Variants in GALNT15 observed in about 807,000 individuals in gnomAD.
GALNT15 encodes the protein polypeptide N-acetylgalactosaminyltransferase 15.
Under a neutral mutation model 66.8 loss-of-function variants are expected in GALNT15, and 67 were observed. The observed-to-expected ratio is 1.00, with a 90% CI of 0.82 to 1.23. The LOEUF (loss-of-function observed/expected upper bound fraction) is 1.23. GALNT15 is among the 50% of genes most tolerant of loss of function. The pLI, the probability that GALNT15 is intolerant of heterozygous loss-of-function variation, is 0.00. For synonymous variants in GALNT15, 313 were observed against 311.5 expected (o/e 1.00, Z -0.05); for missense variants, 827 against 804.3 (o/e 1.03, Z -0.34).
chr3:16,240,549 A>G, the GALNT15 span, among the ~76,000 whole-genome samples: 1 of 152,264 alleles, frequency 6.6e-6, no homozygotes, highest in Non-Finnish European at 1.5e-5. Flanking sequence ...CAAGTGGGAC[A>G]CAAAATAGAC....
Position 16,211,040 on chromosome 3 carries a change from C to A in GALNT15, c.1080-84C>A. The A allele has an allele frequency of 2.1e-6, 2 of 946,382 alleles. No individual in the cohort carries two copies. Among genetic ancestry groups the A allele is most frequent in the Non-Finnish European group, 3.4e-6 (2 of 587,802 alleles). 58.6% of individuals were successfully genotyped at this position (946,382 alleles called of 1,614,324 possible). On this transcript the variant is annotated intron_variant, in intron 4 of 9. Coordinates refer to ENST00000339732, the MANE Select transcript of GALNT15 (RefSeq NM_054110.5). This position sits in a 1 kb window ranked among gnomAD's most constrained non-coding sequence, Gnocchi z 4.3. ...CCTGTTCTCTCAGCCACTGGAGCTC[C>A]CACCTGGGAAGCCCCAGCCCCCAGC...
the GALNT15 span, among the ~76,000 whole-genome samples, chr3:16,240,854 T>C: frequency 1.3e-5 from 2 of 152,078 alleles, no homozygotes; most frequent in African/African-American, 4.8e-5. Context: ...TGACTACAAG[T>C]TCCTCCCTGA....
rs569655475 is a variant in GALNT15, at chr3:16,187,930, A to G, written c.540-7830A>G. Among the ~76,000 whole-genome samples the G allele has an allele frequency of 6.6e-6, 1 of 152,330 alleles. No individual in the cohort carries two copies. The highest frequency in any genetic ancestry group is 6.5e-5 in the Admixed American group (1 of 15,300). The stretch of plus-strand genomic sequence containing the variant: ...CATTCTCCCTCAGTGAAAACAAATC[A>G]TAGACTCAAAGGTGGAAGGATCTTT... On this transcript the variant is annotated intron_variant, in intron 1 of 9. Coordinates refer to ENST00000339732, the MANE Select transcript of GALNT15 (RefSeq NM_054110.5). The surrounding 1 kb of genome is among the most constrained non-coding windows in gnomAD (Gnocchi z 5.1).
intron 8 of GALNT15, among the ~76,000 whole-genome samples, chr3:16,221,994 C>T (rs1258675838): frequency 1.3e-5 from 2 of 152,150 alleles, no homozygotes; most frequent in African/African-American, 4.8e-5. Flanking sequence ...GTCACATACC[C>T]ATGAAGTTGA....
At position 16,219,641 on chromosome 3, in the gene GALNT15, G is replaced by A; in HGVS notation, c.1524+107G>A. The A allele has an allele frequency of 1.4e-6, 2 of 1,450,042 alleles. No homozygotes were observed. 89.8% of individuals were successfully genotyped at this position (1,450,042 alleles called of 1,614,324 possible). On this transcript the variant is annotated intron_variant, in intron 7 of 9. Transcript: ENST00000339732. This position sits in a 1 kb window ranked among gnomAD's most constrained non-coding sequence, Gnocchi z 4.3. ...CTGGTCAACCATTCACGGTTTAGCAGGGCCTCAGAGGCCTTGGGTCCATCC... is the reference window on the plus strand; with the variant it reads ...CTGGTCAACCATTCACGGTTTAGCAAGGCCTCAGAGGCCTTGGGTCCATCC...
Position 16,193,868 on chromosome 3 carries a change from G to A in GALNT15, c.540-1892G>A, listed in dbSNP as rs557015022. On this transcript the variant is annotated intron_variant, in intron 1 of 9. Coordinates refer to ENST00000339732, the MANE Select transcript of GALNT15 (RefSeq NM_054110.5). This position sits in a 1 kb window ranked among gnomAD's most constrained non-coding sequence, Gnocchi z 4.7. ...AGAAAGAGGCTCTTCAGAAACACAC[G>A]TTAAGAAAGTGCCTTTTGTAAGCAA... Among the ~76,000 whole-genome samples, 5 of 152,288 alleles carry A rather than the reference G, an allele frequency of 3.3e-5. 2 individuals carry two copies. Among genetic ancestry groups the A allele is most frequent in the African/African-American group, 1.2e-4 (5 of 41,560 alleles).
At chr3:16,198,185 A>G (rs1204145998) in intron 2 of GALNT15, among the ~76,000 whole-genome samples, 1 of 142,220 alleles carries the variant, frequency 7.0e-6, no homozygotes, top group Non-Finnish European at 1.6e-5. Context: ...CCACAATGCC[A>G]TTGGACACCC....
Position 16,202,023 on chromosome 3 carries a change from G to A in GALNT15, c.911+1200G>A, listed in dbSNP as rs182800262. 2.8e-4 allele frequency among the ~76,000 whole-genome samples: 42 copies of A among 152,242 alleles called. No homozygotes were observed. In the East Asian group the frequency reaches 7.3e-3, roughly 27 times the overall value. On this transcript the variant is annotated intron_variant, in intron 3 of 9. Transcript: ENST00000339732. Reference sequence around the variant, plus strand: ...CTTATGACTTCTACCCATGATGAATGTTTATTATCTCACCTGAAGTTAGGG... The same window carrying A: ...CTTATGACTTCTACCCATGATGAATATTTATTATCTCACCTGAAGTTAGGG...
intron 1 of GALNT15, among the ~76,000 whole-genome samples, chr3:16,192,715 C>A (rs1299132724): frequency 1.3e-5 from 2 of 152,184 alleles, no homozygotes; most frequent in Non-Finnish European, 2.9e-5. Flanking sequence ...AAAGACTATG[C>A]ATGTGCTGGG....
chr3:16,226,423 TCA>T (rs1177790019), intron 9 of GALNT15, among the ~76,000 whole-genome samples: 1 of 152,144 alleles, frequency 6.6e-6, no homozygotes, highest in Non-Finnish European at 1.5e-5. Flanking sequence ...TTTAATTGAC[TCA>T]CAGTTCTGCA....
downstream of GALNT15, chr3:16,231,691 T>C: frequency 1.1e-6 from 1 of 871,846 alleles, no homozygotes; most frequent in Non-Finnish European, 1.8e-6. The surrounding 1 kb of genome is among the most constrained non-coding windows in gnomAD (Gnocchi z 4.1). Context: ...TCCCAAACTG[T>C]TCAGCTAGCT....
intron 9 of GALNT15, among the ~76,000 whole-genome samples, chr3:16,223,538 C>T (rs896683994): frequency 2.0e-5 from 3 of 152,098 alleles, no homozygotes; most frequent in Non-Finnish European, 4.4e-5. Flanking sequence ...GAATCCTGTG[C>T]ATTGGTACTC....
chr3:16,214,534 T>A (rs1242008528), intron 6 of GALNT15, among the ~76,000 whole-genome samples: 3 of 152,166 alleles, frequency 2.0e-5, no homozygotes, highest in African/African-American at 7.2e-5. Flanking sequence ...ATACCATCGT[T>A]ATTGTCATGG....
chr3:16,234,459 G>C (rs1227862540), downstream of GALNT15, among the ~76,000 whole-genome samples: 1 of 152,118 alleles, frequency 6.6e-6, no homozygotes, highest in Non-Finnish European at 1.5e-5. Flanking sequence ...AAATACCTCA[G>C]CTCCCTCACC....
chr3:16,209,966 C>T lies in GALNT15; in HGVS notation c.1080-1158C>T, dbSNP rs1416412191. Among the ~76,000 whole-genome samples, 2 of 152,168 alleles carry T rather than the reference C, an allele frequency of 1.3e-5. No homozygotes were observed. Among genetic ancestry groups the T allele is most frequent in the Non-Finnish European group, 2.9e-5 (2 of 68,034 alleles). On this transcript the variant is annotated intron_variant, in intron 4 of 9. Coordinates refer to ENST00000339732, the MANE Select transcript of GALNT15 (RefSeq NM_054110.5). This position sits in a 1 kb window ranked among gnomAD's most constrained non-coding sequence, Gnocchi z 4.1. ...ATCAAAGAAATATTAGTATATTTGA[C>T]TAAAGAGTGCCGGGCAGACCCCACT...
Position 16,219,803 on chromosome 3 carries a change from G to A in GALNT15, c.1525-107G>A, listed in dbSNP as rs2063921821. On this transcript the variant is annotated intron_variant, in intron 7 of 9. Coordinates refer to ENST00000339732, the MANE Select transcript of GALNT15 (RefSeq NM_054110.5). This position sits in a 1 kb window ranked among gnomAD's most constrained non-coding sequence, Gnocchi z 4.3. ...CACCTGTTGTTGTGGCCTGAACAAT[G>A]TGCCTTGGGCTGCACTCCAGAGAAT... The A allele has an allele frequency of 2.0e-6, 2 of 985,848 alleles. No individual in the cohort carries two copies. Among genetic ancestry groups the A allele is most frequent in the African/African-American group, 1.6e-5 (1 of 63,198 alleles). The allele number at this position is 985,848 out of a possible 1,614,324, so 61.1% of individuals were successfully genotyped here. A position where few individuals can be genotyped will look rare whatever the true frequency, so the allele number is the denominator to read the frequency against.
In GALNT15 at chr3:16,186,877, CA is replaced by C. The variant is rs2063521843; in HGVS notation, c.540-8882del. On this transcript the variant is annotated intron_variant, in intron 1 of 9. Coordinates refer to ENST00000339732, the MANE Select transcript of GALNT15 (RefSeq NM_054110.5). This position sits in a 1 kb window ranked among gnomAD's most constrained non-coding sequence, Gnocchi z 5.1. Reference sequence around the variant, plus strand: ...TCAAATTAGACAGTGGTGATGGCTGCACACCTTTATACTTGAATCCATGGAA... The same window carrying C: ...TCAAATTAGACAGTGGTGATGGCTGCCACCTTTATACTTGAATCCATGGAA... Among the ~76,000 whole-genome samples, 1 of 152,068 alleles carries C rather than the reference CA, an allele frequency of 6.6e-6. No individual in the cohort carries two copies. Among genetic ancestry groups the C allele is most frequent in the Non-Finnish European group, 1.5e-5 (1 of 68,008 alleles).
rs140245914 is a variant in GALNT15, at chr3:16,175,528, A to G, written c.377A>G (p.Gln126Arg). 4.6e-5 allele frequency: 75 copies of G among 1,613,954 alleles called. No homozygotes were observed. The highest frequency in any genetic ancestry group is 1.6e-4 in the Middle Eastern group (1 of 6,084). ...CGCCTCATCAAGCAGCCAAGGAGGC[A>G]GGATAAGGAAGCCCCAAAGAGGGAC... ...SYRLIKQPRR[Q>R]DKEAPKRDWG... Residue 126 changes from glutamine (Q) to arginine (R), a missense_variant, in exon 1 of 10, where the codon CAG becomes CGG. Transcript: ENST00000339732. This position sits in a 1 kb window ranked among gnomAD's most constrained non-coding sequence, Gnocchi z 5.6.
rs1170802268 is a variant in GALNT15 at position 16,182,522 on chromosome 3, T to G, written c.539+6832T>G. On this transcript the variant is annotated intron_variant, in intron 1 of 9. Coordinates refer to ENST00000339732, the MANE Select transcript of GALNT15 (RefSeq NM_054110.5). This position sits in a 1 kb window ranked among gnomAD's most constrained non-coding sequence, Gnocchi z 6.1. ...GAAGTAAGTAAGGAACAGGGAACTG[T>G]CCAGACAAGGTTGAAGGAGGTGGAC... is the stretch of plus-strand genomic sequence containing the variant. 3.3e-5 allele frequency among the ~76,000 whole-genome samples: 5 copies of G among 152,214 alleles called. No homozygotes were observed. Among genetic ancestry groups the G allele is most frequent in the African/African-American group, 1.2e-4 (5 of 41,446 alleles).
Sources: gnomAD v4.1 joint callset for allele counts (sites outside exome capture counted in the v4.1 genomes callset) on GRCh38, gnomAD v4.1.1 for gene constraint, Gnocchi (gnomAD v3.1) non-coding constraint, MANE v1.5 for transcripts, NCBI Gene and HGNC (gene_info 2026-07-23, HGNC 2026-07-21) for gene names.